The following EBF2 variants were observed in gnomAD, a reference collection of about 807,000 sequenced individuals.
The protein encoded by EBF2 is transcription factor COE2.
Under a neutral mutation model 72.8 loss-of-function variants are expected in EBF2, and 21 were observed. That is an observed-to-expected ratio of 0.29 (90% confidence interval 0.20 to 0.42). The LOEUF is 0.42. Among genes scored for constraint, EBF2 ranks in the 10% least tolerant of loss-of-function variants. The pLI is 1.00. For synonymous variants in EBF2, 299 were observed against 274.2 expected (o/e 1.09, Z -0.89); for missense variants, 637 against 731.2 (o/e 0.87, Z 1.49).
intron 6 of EBF2, among the ~76,000 whole-genome samples, chr8:26,000,040 C>T (rs1035876073): frequency 3.6e-4 from 55 of 152,212 alleles, no homozygotes; most frequent in African/African-American, 1.2e-3. Flanking sequence ...CTCATAACAG[C>T]GGGCCATGAA....
intron 8 of EBF2, among the ~76,000 whole-genome samples, chr8:25,888,175 A>C (rs1246092119): frequency 6.6e-6 from 1 of 152,232 alleles, no homozygotes; most frequent in Non-Finnish European, 1.5e-5. Context: ...CAGATAAGAA[A>C]ACAAATCCTT....
chr8:26,033,272 A>T, intron 5 of EBF2, 119 bp from the exon 6 acceptor site: 1 of 935,820 alleles, frequency 1.1e-6, no homozygotes, highest in South Asian at 1.4e-5. Flanking sequence ...ACCAGGCTGT[A>T]GTACAATGGC....
intron 14 of EBF2, among the ~76,000 whole-genome samples, chr8:25,854,029 T>G (rs1802035580): frequency 6.6e-6 from 1 of 152,188 alleles, no homozygotes; most frequent in Non-Finnish European, 1.5e-5. Flanking sequence ...TACAACAAAC[T>G]TGTATTACTT....
chr8:25,849,140 C>T (rs1273104545), intron 15 of EBF2, among the ~76,000 whole-genome samples: 1 of 152,200 alleles, frequency 6.6e-6, no homozygotes, highest in South Asian at 2.1e-4. Flanking sequence ...CAGATGTTTC[C>T]AACTACCCAT....
intron 6 of EBF2, among the ~76,000 whole-genome samples, chr8:25,961,016 T>C (rs991672642): frequency 3.3e-5 from 5 of 152,174 alleles, no homozygotes; most frequent in Admixed American, 1.3e-4. Flanking sequence ...TTGATCAATA[T>C]AAAAACACAC....
intron 7 of EBF2, among the ~76,000 whole-genome samples, chr8:25,904,148 C>T (rs1802997805): frequency 6.7e-6 from 1 of 149,600 alleles, no homozygotes; most frequent in Non-Finnish European, 1.5e-5. Context: ...GTCTGGAGAC[C>T]CCTGAAATTT....
chr8:26,001,558 T>G (rs549934708), intron 6 of EBF2, among the ~76,000 whole-genome samples: 59 of 152,240 alleles, frequency 3.9e-4, no homozygotes, highest in East Asian at 1.5e-3. Flanking sequence ...TTGCTTTTTT[T>G]TTTGTTTTTG....
At chr8:25,871,892 A>G (rs922361037) in intron 10 of EBF2, among the ~76,000 whole-genome samples, 1 of 152,166 alleles carries the variant, frequency 6.6e-6, no homozygotes, top group African/African-American at 2.4e-5. Flanking sequence ...AACTATAAGC[A>G]ATATGTGAAT....
intron 5 of EBF2, among the ~76,000 whole-genome samples, chr8:26,034,484 C>T (rs1243376760): frequency 6.6e-6 from 1 of 152,124 alleles, no homozygotes; most frequent in Non-Finnish European, 1.5e-5. Flanking sequence ...GAAAGTACTC[C>T]CTAGGACCTG....
rs1805575637 is a variant in EBF2 at position 26,040,244 on chromosome 8, G to T, written c.409-143C>A. On this transcript the variant is annotated intron_variant, in intron 4 of 15. Coordinates refer to ENST00000520164, the MANE Select transcript of EBF2 (RefSeq NM_022659.4). ...GGAATTCCCGCCCGCAGCACATTCT[G>T]CGCGGTTGCCGAGTTTGGACTCGAC... 4.5e-6 allele frequency: 4 copies of T among 890,520 alleles called. No individual in the cohort carries two copies. In the Admixed American group the frequency reaches 8.8e-5, roughly 20 times the overall value. 55.2% of individuals were successfully genotyped at this position (890,520 alleles called of 1,614,324 possible). A position where few individuals can be genotyped will look rare whatever the true frequency, so the allele number is the denominator to read the frequency against.
At chr8:25,888,864 C>T (rs1261098467) in intron 8 of EBF2, among the ~76,000 whole-genome samples, 2 of 152,224 alleles carry the variant, frequency 1.3e-5, no homozygotes, top group African/African-American at 4.8e-5. Context: ...CAGTCAATCA[C>T]ATCCAATCAG....
chr8:25,952,395 T>C (rs1275495156), intron 6 of EBF2, among the ~76,000 whole-genome samples: 3 of 152,092 alleles, frequency 2.0e-5, no homozygotes, highest in African/African-American at 7.2e-5. Context: ...AAATTATTTA[T>C]TCATTTATAT....
intron 8 of EBF2, among the ~76,000 whole-genome samples, chr8:25,888,400 T>G (rs907503049): frequency 6.6e-6 from 1 of 152,160 alleles, no homozygotes; most frequent in Non-Finnish European, 1.5e-5. Flanking sequence ...GAGTTGACCA[T>G]TATGTATGAA....
intron 6 of EBF2, among the ~76,000 whole-genome samples, chr8:25,917,676 G>A (rs1803242317): frequency 6.6e-6 from 1 of 152,124 alleles, no homozygotes; most frequent in Non-Finnish European, 1.5e-5. Context: ...CTCGGGTGAA[G>A]GAGAGAAATG....
chr8:26,020,717 G>A (rs1805191163), intron 6 of EBF2, among the ~76,000 whole-genome samples: 1 of 151,804 alleles, frequency 6.6e-6, no homozygotes, highest in Non-Finnish European at 1.5e-5. Context: ...CTTTTGCTAT[G>A]TAGGTTGAAT....
chr8:25,891,863 C>A (rs1802787973), intron 7 of EBF2, among the ~76,000 whole-genome samples: 1 of 152,124 alleles, frequency 6.6e-6, no homozygotes, highest in Non-Finnish European at 1.5e-5. Flanking sequence ...CCGAAGTGAG[C>A]CACAGCTCCC....
intron 6 of EBF2, among the ~76,000 whole-genome samples, chr8:25,935,462 G>T (rs1415758420): frequency 3.3e-5 from 5 of 152,158 alleles, no homozygotes; most frequent in Non-Finnish European, 5.9e-5. Context: ...CTGTTGTCAG[G>T]GGTACTGGGG....
intron 6 of EBF2, among the ~76,000 whole-genome samples, chr8:25,975,099 C>A (rs1227366772): frequency 3.9e-5 from 6 of 152,104 alleles, no homozygotes; most frequent in African/African-American, 4.8e-5. Context: ...CCTAAAACAC[C>A]ATACACCCAA....
intron 6 of EBF2, among the ~76,000 whole-genome samples, chr8:25,995,526 G>A (rs574223290): frequency 1.5e-4 from 23 of 152,140 alleles, no homozygotes; most frequent in Middle Eastern, 3.4e-3. Flanking sequence ...ATGTTAGATC[G>A]AAAATATGTA....
Sources: gnomAD v4.1 joint callset for allele counts (sites outside exome capture counted in the v4.1 genomes callset) on GRCh38, gnomAD v4.1.1 for gene constraint, MANE v1.5 for transcripts, NCBI Gene and HGNC (gene_info 2026-07-23, HGNC 2026-07-21) for gene names.